IL10RA: variants seen among roughly 807,000 people sequenced by gnomAD.
IL10RA encodes interleukin-10 receptor subunit alpha.
Under a neutral mutation model 29.6 loss-of-function variants are expected in IL10RA, and 18 were observed. The observed-to-expected ratio is 0.61, with a 90% CI of 0.42 to 0.90. The LOEUF (loss-of-function observed/expected upper bound fraction) is 0.90, where lower values mean the gene tolerates loss of function less well. IL10RA is among the 40% of genes least tolerant of loss of function. The probability of loss-of-function intolerance (pLI) is 0.00; values close to 1 mark genes in which losing one functional copy is unlikely to be tolerated. For missense variants in IL10RA, 634 were observed against 716.6 expected (o/e 0.88, Z 1.32); for synonymous variants, 292 against 294.1 (o/e 0.99, Z 0.07).
rs1591261484 is a variant in IL10RA at position 117,989,342 on chromosome 11, C to T, written c.189-100C>T. 1 of 1,074,354 alleles carries T rather than the reference C, an allele frequency of 9.3e-7. No homozygotes were observed. Among genetic ancestry groups the T allele is most frequent in the East Asian group, 2.4e-5 (1 of 42,358 alleles). 66.6% of individuals were successfully genotyped at this position (1,074,354 alleles called of 1,614,324 possible). A position where few individuals can be genotyped will look rare whatever the true frequency, so the allele number is the denominator to read the frequency against. Reference sequence around the variant, plus strand: ...TAGCCTGAGGGCTGTCCCAGTTTCTCCCAATGTGGGAGCTCTCTTCCTGGC... The same window carrying T: ...TAGCCTGAGGGCTGTCCCAGTTTCTTCCAATGTGGGAGCTCTCTTCCTGGC... On this transcript the variant is annotated intron_variant, in intron 2 of 6. Coordinates refer to ENST00000227752, the MANE Select transcript of IL10RA (RefSeq NM_001558.4). The surrounding 1 kb of genome is among the most constrained non-coding windows in gnomAD (Gnocchi z 4.5).
intron 1 of IL10RA, chr11:117,986,974 C>T (rs2057990747): frequency 3.4e-6 from 2 of 581,366 alleles, no homozygotes; most frequent in South Asian, 1.6e-5. Context: ...CCTCACTGAT[C>T]ACCCCGATCT....
At position 117,993,310 on chromosome 11, in the gene IL10RA, CCAGGCCCAAGATGG is replaced by C; in HGVS notation, c.439_452del (p.Arg147ProfsTer4). 6.2e-7 allele frequency: 1 copy of C among 1,613,924 alleles called. No homozygotes were observed. Among genetic ancestry groups the C allele is most frequent in the Non-Finnish European group, 8.5e-7 (1 of 1,179,792 alleles). ...TTCATCCTCGGGAAGATTCAGCTAC[CCAGGCCCAAGATGG>C]CCCCCGCAAATGACACATATGAAAG... On this transcript the variant is annotated frameshift_variant, in exon 4 of 7. Coordinates refer to ENST00000227752, the MANE Select transcript of IL10RA (RefSeq NM_001558.4). LOFTEE classifies it high-confidence loss of function.
chr11:117,989,469 C>T lies in IL10RA; in HGVS notation c.216C>T (p.Ile72=), dbSNP rs1441696430. The T allele has an allele frequency of 1.2e-6, 2 of 1,614,184 alleles. No homozygotes were observed. Among genetic ancestry groups the T allele is most frequent in the East Asian group, 4.5e-5 (2 of 44,890 alleles). Residue 72 remains isoleucine, a synonymous_variant, in exon 3 of 7, where the codon ATC becomes ATT. Coordinates refer to ENST00000227752, the MANE Select transcript of IL10RA (RefSeq NM_001558.4). This position sits in a 1 kb window ranked among gnomAD's most constrained non-coding sequence, Gnocchi z 4.5. ...LRYGIESWNS[I]SNCSQTLSYD... is the part of the protein sequence containing the mutation. The stretch of plus-strand genomic sequence containing the variant: ...ATGGAATAGAGTCCTGGAACTCCAT[C>T]TCCAACTGTAGCCAGACCCTGTCCT...
chr11:117,987,698 G>T (rs2057995313), intron 1 of IL10RA: 1 of 158,612 alleles, frequency 6.3e-6, no homozygotes, highest in Non-Finnish European at 1.4e-5. Flanking sequence ...AGTAGAGCTA[G>T]GAATTGGTAT....
In IL10RA at chr11:117,999,131, T is replaced by C; in HGVS notation, c.1227T>C (p.Ser409=). The C allele has an allele frequency of 6.2e-7, 1 of 1,613,356 alleles. No homozygotes were observed. Among genetic ancestry groups the C allele is most frequent in the Non-Finnish European group, 8.5e-7 (1 of 1,179,332 alleles). ...GTGGCATTGACTTAGTTCAAAACTCTGAGGGCCGGGCTGGGGACACACAGG... is the reference window on the plus strand; with the variant it reads ...GTGGCATTGACTTAGTTCAAAACTCCGAGGGCCGGGCTGGGGACACACAGG... ...DDSGIDLVQN[S]EGRAGDTQGG... The change falls in exon 7 of 7, where the codon TCT becomes TCC. Residue 409 remains serine (S), a synonymous_variant. Coordinates refer to ENST00000227752, the MANE Select transcript of IL10RA (RefSeq NM_001558.4).
At chr11:117,993,044 T>G in intron 3 of IL10RA, 197 bp from the exon 4 acceptor site, 1 of 591,816 alleles carries the variant, frequency 1.7e-6, no homozygotes, top group Non-Finnish European at 3.0e-6. Context: ...TTGATGCATC[T>G]GATTTTAGGG....
intron 5 of IL10RA, chr11:117,995,352 G>A (rs2058048938): frequency 1.7e-6 from 1 of 575,962 alleles, no homozygotes; most frequent in Non-Finnish European, 3.2e-6. Context: ...CATGTGCAGA[G>A]AGCTGGAAGC....
At chr11:117,995,849 A>G (rs1436563896) in intron 6 of IL10RA, 139 bp downstream of exon 6, 4 of 910,250 alleles carry the variant, frequency 4.4e-6, no homozygotes, top group East Asian at 2.6e-5. Context: ...ATTGGGAGAT[A>G]CCTTCATCAA....
Position 117,988,481 on chromosome 11 carries a change from G to T in IL10RA, c.167G>T (p.Cys56Phe). Residue 56 changes from cysteine (C) to phenylalanine (F), a missense_variant, in exon 2 of 7, where the codon TGC becomes TTC. Transcript: ENST00000227752. ...ATCCCAAATCAGTCTGAAAGTACCTGCTATGAAGTGGCGCTCCTGAGGTGA... is the reference window on the plus strand; with the variant it reads ...ATCCCAAATCAGTCTGAAAGTACCTTCTATGAAGTGGCGCTCCTGAGGTGA... ...TPIPNQSEST[C>F]YEVALLRYGI... 6.2e-7 allele frequency: 1 copy of T among 1,614,172 alleles called. No homozygotes were observed. The highest frequency in any genetic ancestry group is 2.2e-5 in the East Asian group (1 of 44,882).
In IL10RA at chr11:117,999,597, C is replaced by A. The variant is rs375201461; in HGVS notation, c.1693C>A (p.Leu565Met). The A allele has an allele frequency of 2.0e-5, 33 of 1,614,184 alleles. No homozygotes were observed. The East Asian group carries it at 5.1e-4, about 25-fold the overall frequency. Residue 565 changes from leucine (L) to methionine (M), a missense_variant, in exon 7 of 7, where the codon CTG becomes ATG. Leu to Met is a conservative substitution (Grantham distance 15). Coordinates refer to ENST00000227752, the MANE Select transcript of IL10RA (RefSeq NM_001558.4). ...GGLLGSFNSD[L>M]VTLPLISSLQ... is the part of the protein sequence containing the mutation. ...TCTCCTGGGCAGCTTTAACTCAGACCTGGTCACCCTGCCCCTCATCTCTAG... is the reference window on the plus strand; with the variant it reads ...TCTCCTGGGCAGCTTTAACTCAGACATGGTCACCCTGCCCCTCATCTCTAG...
In IL10RA at chr11:118,000,070, G is replaced by A. The variant is rs767482025; in HGVS notation, c.*429G>A. 2.2e-6 allele frequency: 1 copy of A among 459,316 alleles called. No homozygotes were observed. 28.5% of individuals were successfully genotyped at this position (459,316 alleles called of 1,614,324 possible). A position where few individuals can be genotyped will look rare whatever the true frequency, so the allele number is the denominator to read the frequency against. ...GGCCACTCGAGCATCAGAGCTTCCA[G>A]CAGGAGGAAGGGCTGTAGGAATGGA... On this transcript the variant is annotated 3_prime_UTR_variant, in exon 7 of 7. Transcript: ENST00000227752.
Position 118,000,380 on chromosome 11 carries a change from C to G in IL10RA, c.*739C>G, listed in dbSNP as rs2058087925. On this transcript the variant is annotated 3_prime_UTR_variant, in exon 7 of 7. Coordinates refer to ENST00000227752, the MANE Select transcript of IL10RA (RefSeq NM_001558.4). Reference sequence around the variant, plus strand: ...TCCCTCTCTCCAACAAATGGAGTAGCATCCCCCTGGGGCACTTGCTGAGGC... The same window carrying G: ...TCCCTCTCTCCAACAAATGGAGTAGGATCCCCCTGGGGCACTTGCTGAGGC... 2.2e-6 allele frequency: 1 copy of G among 454,212 alleles called. No homozygotes were observed. Among genetic ancestry groups the G allele is most frequent in the South Asian group, 1.6e-5 (1 of 64,470 alleles). The allele number at this position is 454,212 out of a possible 1,614,324, so 28.1% of individuals were successfully genotyped here. A position where few individuals can be genotyped will look rare whatever the true frequency, so the allele number is the denominator to read the frequency against.
At chr11:117,994,345 C>A (rs1248812255) in intron 5 of IL10RA, 196 bp downstream of exon 5, 1 of 588,174 alleles carries the variant, frequency 1.7e-6, no homozygotes, top group Non-Finnish European at 3.0e-6. Flanking sequence ...GTATTAGCAA[C>A]TTCCTAGGGT....
chr11:117,995,378 T>C (rs2058049098), intron 5 of IL10RA: 1 of 629,130 alleles, frequency 1.6e-6, no homozygotes, highest in Non-Finnish European at 2.9e-6. Context: ...GCGCATCTCC[T>C]GAGGGAATCC....
chr11:118,002,021 G>T (rs575470281), downstream of IL10RA: 28 of 154,982 alleles, frequency 1.8e-4, no homozygotes, highest in South Asian at 1.4e-3. Context: ...CAGCAAACTG[G>T]GCCTCCCTGG....
chr11:117,999,880 G>T lies in IL10RA; in HGVS notation c.*239G>T, dbSNP rs773925356. On this transcript the variant is annotated 3_prime_UTR_variant, in exon 7 of 7. Transcript: ENST00000227752. ...GCACTGACCTGTTCTGTTGACTGGG[G>T]CCCTGCAGACTCTGGCAGAGCTGAG... 1.5e-6 allele frequency: 1 copy of T among 676,624 alleles called. No homozygotes were observed. Among genetic ancestry groups the T allele is most frequent in the South Asian group, 1.5e-5 (1 of 66,454 alleles). The allele number at this position is 676,624 out of a possible 1,614,324, so 41.9% of individuals were successfully genotyped here. A position where few individuals can be genotyped will look rare whatever the true frequency, so the allele number is the denominator to read the frequency against.
chr11:118,000,731 C>A lies in IL10RA; in HGVS notation c.*1090C>A, dbSNP rs985926323. The A allele has an allele frequency of 1.8e-5, 8 of 454,120 alleles. No individual in the cohort carries two copies. The highest frequency in any genetic ancestry group is 1.6e-4 in the African/African-American group (8 of 49,998). 28.1% of individuals were successfully genotyped at this position (454,120 alleles called of 1,614,324 possible). A position where few individuals can be genotyped will look rare whatever the true frequency, so the allele number is the denominator to read the frequency against. ...AAATAAGGACTCCACCTTTAGGGGA[C>A]CCTCCATGTTTGCTGGGTATTAGCC... On this transcript the variant is annotated 3_prime_UTR_variant, in exon 7 of 7. Transcript: ENST00000227752.
Position 117,999,342 on chromosome 11 carries a change from T to C in IL10RA, c.1438T>C (p.Cys480Arg), listed in dbSNP as rs748665591. The change falls in exon 7 of 7, where the codon TGC becomes CGC. Residue 480 changes from cysteine to arginine, a missense_variant. Cys to Arg is a radical substitution (Grantham distance 180). Coordinates refer to ENST00000227752, the MANE Select transcript of IL10RA (RefSeq NM_001558.4). Reference protein sequence around the residue: ...TDGLGPKFGRCLVDEAGLHPP... With the variant: ...TDGLGPKFGRRLVDEAGLHPP... ...TGGCCTTGGCCCCAAATTCGGGAGATGCCTGGTTGATGAGGCAGGCTTGCA... is the reference window on the plus strand; with the variant it reads ...TGGCCTTGGCCCCAAATTCGGGAGACGCCTGGTTGATGAGGCAGGCTTGCA... 4 of 1,614,218 alleles carry C rather than the reference T, an allele frequency of 2.5e-6. No homozygotes were observed. Among genetic ancestry groups the C allele is most frequent in the Non-Finnish European group, 3.4e-6 (4 of 1,180,040 alleles).
intron 6 of IL10RA, among the ~76,000 whole-genome samples, chr11:117,996,046 A>G (rs2058053771): frequency 6.6e-6 from 1 of 152,190 alleles, no homozygotes; most frequent in Non-Finnish European, 1.5e-5. Context: ...AGGCACAGTT[A>G]TTATCCCCAT....
Sources: gnomAD v4.1 joint callset for allele counts (sites outside exome capture counted in the v4.1 genomes callset) on GRCh38, gnomAD v4.1.1 for gene constraint, Gnocchi (gnomAD v3.1) non-coding constraint, MANE v1.5 for transcripts, NCBI Gene and HGNC (gene_info 2026-07-23, HGNC 2026-07-21) for gene names.